PPP1R9A: variants seen among roughly 807,000 people sequenced by gnomAD.
PPP1R9A encodes the protein neurabin-1.
PPP1R9A carries 59 observed loss-of-function variants against 141.9 expected under a neutral mutation model. That is an observed-to-expected ratio of 0.42 (90% CI 0.34 to 0.52). The LOEUF (loss-of-function observed/expected upper bound fraction) is 0.52, where lower values mean the gene tolerates loss of function less well. Among genes scored for constraint, PPP1R9A ranks in the 20% least tolerant of loss-of-function variants. The pLI is 0.10. For synonymous variants in PPP1R9A, 500 were observed against 569.7 expected (o/e 0.88, Z 1.74); for missense variants, 1,444 against 1,611.9 (o/e 0.90, Z 1.78).
intron 2 of PPP1R9A, among the ~76,000 whole-genome samples, chr7:94,985,917 G>T (rs1800769371): frequency 6.6e-6 from 1 of 152,208 alleles, no homozygotes; most frequent in Non-Finnish European, 1.5e-5. Context: ...TCAGAAAAAT[G>T]AGATATTTAT....
At chr7:94,990,203 A>G (rs1302183035) in intron 2 of PPP1R9A, among the ~76,000 whole-genome samples, 5 of 152,100 alleles carry the variant, frequency 3.3e-5, no homozygotes, top group African/African-American at 1.2e-4. Flanking sequence ...GTAATTCACA[A>G]TGGTGGTGAG....
intron 7 of PPP1R9A, among the ~76,000 whole-genome samples, chr7:95,224,485 A>C (rs1012569467): frequency 2.6e-5 from 4 of 152,128 alleles, no homozygotes; most frequent in Admixed American, 2.6e-4. Flanking sequence ...CCTTACTAGA[A>C]ACTGTGTCTA....
chr7:95,179,320 G>A (rs190807953), intron 5 of PPP1R9A, among the ~76,000 whole-genome samples: 289 of 152,168 alleles, frequency 1.9e-3, no homozygotes, highest in Non-Finnish European at 2.9e-3. Context: ...ACAGACTTCA[G>A]CATTCCTTTA....
rs74832923 is a variant in PPP1R9A, at chr7:95,280,923, A to T, written c.3297-3095A>T. 2.5e-3 allele frequency among the ~76,000 whole-genome samples: 382 copies of T among 152,314 alleles called. 1 individual carries two copies. The highest frequency in any genetic ancestry group is 8.8e-3 in the African/African-American group (365 of 41,584). On this transcript the variant is annotated intron_variant, in intron 16 of 19. Transcript: ENST00000433360. ...TTCTCCACAAAGTGAAATAGACTAT[A>T]AGAGTGGTCAACATGGAATAACTGC...
intron 4 of PPP1R9A, chr7:95,156,819 C>T (rs1829686149): frequency 1.3e-5 from 2 of 152,198 alleles, no homozygotes; most frequent in African/African-American, 4.8e-5. Flanking sequence ...GAGAAGAGGC[C>T]CTAGAATGGA....
At chr7:95,207,457 CT>C in intron 7 of PPP1R9A, among the ~76,000 whole-genome samples, 1 of 152,022 alleles carries the variant, frequency 6.6e-6, no homozygotes, top group Non-Finnish European at 1.5e-5. Flanking sequence ...AGAAAGAAAA[CT>C]TATAGGTCCA....
At chr7:95,073,397 T>G (rs1814294572) in intron 2 of PPP1R9A, among the ~76,000 whole-genome samples, 1 of 152,144 alleles carries the variant, frequency 6.6e-6, no homozygotes, top group Admixed American at 6.6e-5. Context: ...TGGATTTGAC[T>G]CTGGTATAGT....
intron 4 of PPP1R9A, among the ~76,000 whole-genome samples, chr7:95,124,108 C>T (rs1292906809): frequency 6.6e-6 from 1 of 152,142 alleles, no homozygotes; most frequent in East Asian, 1.9e-4. Flanking sequence ...ATTATTATTA[C>T]ACTTACAACA....
At chr7:95,000,806 C>G (rs1037185424) in intron 2 of PPP1R9A, among the ~76,000 whole-genome samples, 2 of 152,096 alleles carry the variant, frequency 1.3e-5, no homozygotes, top group African/African-American at 2.4e-5. Context: ...TTTGCTGATT[C>G]TACACTATCT....
intron 7 of PPP1R9A, among the ~76,000 whole-genome samples, chr7:95,219,716 G>T (rs970150055): frequency 6.6e-6 from 1 of 152,040 alleles, no homozygotes; most frequent in East Asian, 1.9e-4. Context: ...TGGATATTTT[G>T]CATATTTCAT....
intron 2 of PPP1R9A, among the ~76,000 whole-genome samples, chr7:95,061,246 G>A (rs1812191161): frequency 6.6e-6 from 1 of 152,122 alleles, no homozygotes; most frequent in South Asian, 2.1e-4. Flanking sequence ...CCCATATGAA[G>A]TTCTCTATGG....
intron 2 of PPP1R9A, among the ~76,000 whole-genome samples, chr7:95,083,899 C>T (rs1340159792): frequency 1.3e-5 from 2 of 151,876 alleles, no homozygotes; most frequent in East Asian, 3.9e-4. Context: ...GAAAACTACA[C>T]CAAGTTGCAA....
Position 95,126,483 on chromosome 7 carries a change from G to A in PPP1R9A, c.1649+5651G>A, listed in dbSNP as rs192098512. Among the ~76,000 whole-genome samples, 3 of 152,226 alleles carry A rather than the reference G, an allele frequency of 2.0e-5. No individual in the cohort carries two copies. The East Asian group carries it at 5.8e-4, about 29-fold the overall frequency. On this transcript the variant is annotated intron_variant, in intron 4 of 19. Transcript: ENST00000433360. ...TGGTAAGCACATGGAAACTATTGAGGAACTGGCCAGGATGAGATAGTTTTT... is the reference window on the plus strand; with the variant it reads ...TGGTAAGCACATGGAAACTATTGAGAAACTGGCCAGGATGAGATAGTTTTT...
At chr7:95,229,364 G>A (rs1331868048) in intron 8 of PPP1R9A, among the ~76,000 whole-genome samples, 2 of 151,896 alleles carry the variant, frequency 1.3e-5, no homozygotes, top group African/African-American at 4.8e-5. Flanking sequence ...CGTGATTTAG[G>A]GTGAGTTCTC....
intron 8 of PPP1R9A, among the ~76,000 whole-genome samples, chr7:95,237,567 A>G (rs1011340134): frequency 1.3e-5 from 2 of 152,084 alleles, no homozygotes; most frequent in Non-Finnish European, 2.9e-5. Flanking sequence ...TATGGCTTAT[A>G]TTTTGTCTAT....
At chr7:95,037,325 G>T (rs1354928113) in intron 2 of PPP1R9A, among the ~76,000 whole-genome samples, 1 of 151,874 alleles carries the variant, frequency 6.6e-6, no homozygotes, top group Non-Finnish European at 1.5e-5. Context: ...AAAGAATATT[G>T]ATTCTCCTTG....
At position 95,296,375 on chromosome 7, in the gene PPP1R9A, A is replaced by G. The variant is rs1807101441; in HGVS notation, c.*6072A>G. The G allele has an allele frequency of 1.3e-5, 2 of 152,660 alleles. No homozygotes were observed. The highest frequency in any genetic ancestry group is 4.1e-4 in the South Asian group (2 of 4,836). 9.5% of individuals were successfully genotyped at this position (152,660 alleles called of 1,614,324 possible). A position where few individuals can be genotyped will look rare whatever the true frequency, so the allele number is the denominator to read the frequency against. Reference sequence around the variant, plus strand: ...CAATGAGTATTATTGTTGTTAGACAACGAATGCAATAAAAAGAAATACTGA... The same window carrying G: ...CAATGAGTATTATTGTTGTTAGACAGCGAATGCAATAAAAAGAAATACTGA... On this transcript the variant is annotated 3_prime_UTR_variant, in exon 20 of 20. Coordinates refer to ENST00000433360, the MANE Select transcript of PPP1R9A (RefSeq NM_001166160.2).
At chr7:95,239,219 C>T (rs1335800309) in intron 8 of PPP1R9A, among the ~76,000 whole-genome samples, 2 of 152,096 alleles carry the variant, frequency 1.3e-5, no homozygotes, top group African/African-American at 4.8e-5. Flanking sequence ...TTGTGTCTTA[C>T]AGCTTTGGTT....
chr7:95,109,683 A>T (rs1019633604), intron 2 of PPP1R9A, among the ~76,000 whole-genome samples: 3 of 152,032 alleles, frequency 2.0e-5, no homozygotes, highest in African/African-American at 4.8e-5. Flanking sequence ...TCTAAAAAAA[A>T]ATTTTTTTTA....
Sources: gnomAD v4.1 joint callset for allele counts (sites outside exome capture counted in the v4.1 genomes callset) on GRCh38, gnomAD v4.1.1 for gene constraint, MANE v1.5 for transcripts, NCBI Gene and HGNC (gene_info 2026-07-23, HGNC 2026-07-21) for gene names.